Variants in NRG1 observed in about 807,000 individuals in gnomAD.
The protein encoded by NRG1 is pro-neuregulin-1, membrane-bound isoform.
In NRG1, 18 loss-of-function variants were observed where a neutral mutation model predicts 63.8. The ratio of observed to expected loss-of-function variants is 0.28; its 90% CI spans 0.19 to 0.42. NRG1 has a LOEUF of 0.42. Among genes scored for constraint, NRG1 ranks in the 10% least tolerant of loss-of-function variants. The pLI is 1.00. For synonymous variants in NRG1, 302 were observed against 301.3 expected (o/e 1.00, Z -0.02); for missense variants, 762 against 814.7 (o/e 0.94, Z 0.79).
At chr8:31,935,539 T>C (rs170576) in intron 1 of NRG1, among the ~76,000 whole-genome samples, 130,520 of 152,142 alleles carry the variant, frequency 0.86, 56,704 homozygotes, top group Non-Finnish European at 0.91. Flanking sequence ...ATTACAGGTG[T>C]GACCCACTGT....
intron 1 of NRG1, among the ~76,000 whole-genome samples, chr8:31,769,324 C>G (rs1347897251): frequency 2.6e-5 from 4 of 152,148 alleles, no homozygotes; most frequent in Non-Finnish European, 5.9e-5. Flanking sequence ...AGCTAAAGCT[C>G]ATTCATCGTT....
At chr8:32,754,557 C>T (rs1829329782) in intron 8 of NRG1, 83 bp downstream of exon 8, 2 of 1,250,326 alleles carry the variant, frequency 1.6e-6, no homozygotes, top group Non-Finnish European at 2.3e-6. Context: ...ATCTGAGCTC[C>T]ACAGCCTAGT....
chr8:32,749,734 C>T (rs1828303144), intron 7 of NRG1: 2 of 729,654 alleles, frequency 2.7e-6, no homozygotes, highest in South Asian at 1.8e-5. Flanking sequence ...ATTTCTCTGC[C>T]TTCAATCTAT....
intron 1 of NRG1, among the ~76,000 whole-genome samples, chr8:32,098,139 G>A (rs62498889): frequency 3.5e-4 from 23 of 66,132 alleles, no homozygotes; most frequent in Non-Finnish European, 8.0e-4. Flanking sequence ...GAAACCAAGA[G>A]GGCCTGATGT....
intron 1 of NRG1, among the ~76,000 whole-genome samples, chr8:32,237,504 G>T: frequency 6.6e-6 from 1 of 150,728 alleles, no homozygotes; most frequent in East Asian, 2.0e-4. Flanking sequence ...TTTTTTCCCC[G>T]TGATTTGGTG....
chr8:32,550,100 C>T (rs1262076268), intron 1 of NRG1, among the ~76,000 whole-genome samples: 1 of 152,138 alleles, frequency 6.6e-6, no homozygotes, highest in African/African-American at 2.4e-5. Context: ...TGGCAGAGAC[C>T]TTCAGCAGAG....
chr8:31,728,488 CT>C (rs549935965), intron 1 of NRG1, among the ~76,000 whole-genome samples: 3 of 151,938 alleles, frequency 2.0e-5, no homozygotes, highest in Non-Finnish European at 4.4e-5. Context: ...GATTGCATCA[CT>C]TTTTTTTAAA....
intron 1 of NRG1, among the ~76,000 whole-genome samples, chr8:32,107,286 G>A (rs1274437337): frequency 6.6e-6 from 1 of 152,072 alleles, no homozygotes; most frequent in African/African-American, 2.4e-5. Flanking sequence ...TCAAATGTAG[G>A]CATATACAAA....
chr8:32,393,391 T>C (rs1037024917), intron 1 of NRG1, among the ~76,000 whole-genome samples: 3 of 152,146 alleles, frequency 2.0e-5, no homozygotes, highest in African/African-American at 7.2e-5. Flanking sequence ...TGGGTATATA[T>C]CCAAAGGAAT....
chr8:32,597,903 T>C (rs1563736553), intron 2 of NRG1, among the ~76,000 whole-genome samples: 1 of 152,070 alleles, frequency 6.6e-6, no homozygotes. Context: ...GTATGATTCT[T>C]ACAAAGAAGT....
At chr8:32,608,107 G>GTTTTTTTTTTTTTTTT (rs1224928528) in intron 3 of NRG1, among the ~76,000 whole-genome samples, 23 of 104,822 alleles carry the variant, frequency 2.2e-4, no homozygotes, top group South Asian at 6.9e-4. Context: ...TTTTTTTTTT[G>GTTTTTTTTTTTTTTTT]TTTTTTTTTT....
intron 1 of NRG1, among the ~76,000 whole-genome samples, chr8:32,276,763 T>C (rs1852146315): frequency 6.6e-6 from 1 of 152,138 alleles, no homozygotes; most frequent in Non-Finnish European, 1.5e-5. Flanking sequence ...CAGACTCATT[T>C]TTAGGGAGCC....
chr8:32,548,585 C>T (rs1442856666), exon 1 of NRG1: 3 of 1,335,302 alleles, frequency 2.2e-6, no homozygotes, highest in East Asian at 3.2e-5. Context: ...ACGGGAGACG[C>T]CCCCGCGCAG....
chr8:32,666,575 G>T (rs1804213503), intron 5 of NRG1, among the ~76,000 whole-genome samples: 1 of 152,294 alleles, frequency 6.6e-6, no homozygotes, highest in East Asian at 1.9e-4. Flanking sequence ...AGATGCACTG[G>T]AATCAGCATG....
At chr8:32,328,193 G>A (rs1457975085) in intron 1 of NRG1, among the ~76,000 whole-genome samples, 6 of 152,108 alleles carry the variant, frequency 3.9e-5, no homozygotes, top group Non-Finnish European at 7.4e-5. Context: ...TGCTGTGAGG[G>A]TGTGTGACTC....
At chr8:32,441,711 T>C (rs1166629713) in intron 1 of NRG1, among the ~76,000 whole-genome samples, 2 of 152,170 alleles carry the variant, frequency 1.3e-5, no homozygotes, top group Non-Finnish European at 2.9e-5. Flanking sequence ...GAAGCTTTAC[T>C]CTGGAGTCTC....
intron 1 of NRG1, among the ~76,000 whole-genome samples, chr8:32,472,761 T>C (rs35736534): frequency 0.053 from 8,023 of 152,322 alleles, 284 homozygotes; most frequent in Middle Eastern, 0.085. Context: ...AGTGCTTTTG[T>C]TGTTGTTTGC....
At chr8:32,134,356 T>C (rs1835236576) in intron 1 of NRG1, among the ~76,000 whole-genome samples, 2 of 152,114 alleles carry the variant, frequency 1.3e-5, no homozygotes, top group South Asian at 4.1e-4. Flanking sequence ...ACAAAAAATA[T>C]AATTTGAAGT....
downstream of NRG1, among the ~76,000 whole-genome samples, chr8:32,772,084 TATATAA>T (rs1658678446): frequency 7.5e-6 from 1 of 132,948 alleles, no homozygotes; most frequent in Admixed American, 8.1e-5. Flanking sequence ...TATATATATA[TATATAA>T]AATCCCACCA....
Sources: allele counts gnomAD v4.1 joint callset (sites outside exome capture counted in the v4.1 genomes callset), GRCh38; gene constraint gnomAD v4.1.1; transcripts MANE v1.5; gene names NCBI Gene and HGNC (gene_info 2026-07-23, HGNC 2026-07-21).